LRCH2: variants seen among roughly 807,000 people sequenced by gnomAD.
LRCH2 encodes the protein leucine-rich repeat and calponin homology domain-containing protein 2.
In LRCH2, 38 loss-of-function variants were observed where a neutral mutation model predicts 68.9. That is an observed-to-expected ratio of 0.55 (90% confidence interval 0.43 to 0.72). The LOEUF is 0.72. Ranked by LOEUF, LRCH2 falls within the 30% of genes least tolerant of loss-of-function variation. The pLI, the probability that LRCH2 is intolerant of heterozygous loss-of-function variation, is 0.00. For synonymous variants in LRCH2, 191 were observed against 208.1 expected (o/e 0.92, Z 0.71); for missense variants, 528 against 572.9 (o/e 0.92, Z 0.80).
chrX:115,167,191 TAAAAAAAAA>T (rs58298502), intron 6 of LRCH2, among the ~76,000 whole-genome samples: 82 of 8,395 alleles, frequency 9.8e-3, no homozygotes, highest in African/African-American at 0.035. Flanking sequence ...AGTTTCATGC[TAAAAAAAAA>T]AAAAAAAAAA....
intron 14 of LRCH2, among the ~76,000 whole-genome samples, chrX:115,133,564 C>A (rs62601498): frequency 0.11 from 11,758 of 111,774 alleles, 606 homozygotes; most frequent in Non-Finnish European, 0.16. Flanking sequence ...TTTCCAATAG[C>A]ACGTACTCAC....
chrX:115,156,094 G>C (rs1389195457), intron 12 of LRCH2, among the ~76,000 whole-genome samples: 2 of 111,221 alleles, frequency 1.8e-5, no homozygotes, highest in Admixed American at 1.9e-4. Flanking sequence ...GACTGGGCCT[G>C]AACATTCTCA....
At position 115,234,080 on chromosome X, in the gene LRCH2, G is replaced by T; in HGVS notation, c.-39C>A. On this transcript the variant is annotated 5_prime_UTR_variant, in exon 1 of 21. In the 5' UTR this introduces an upstream ATG that the reference lacks. Coordinates refer to ENST00000317135, the MANE Select transcript of LRCH2 (RefSeq NM_020871.4). Reference sequence around the variant, plus strand: ...AGAATAGCCCCCGACAATACTGTCAGCCTGTGCCGCGAGTGTAAGGGGTTC... The same window carrying T: ...AGAATAGCCCCCGACAATACTGTCATCCTGTGCCGCGAGTGTAAGGGGTTC... The T allele has an allele frequency of 8.7e-7, 1 of 1,150,779 alleles. No homozygotes were observed. The highest frequency in any genetic ancestry group is 1.2e-6 in the Non-Finnish European group (1 of 863,470). 94.8% of individuals were successfully genotyped at this position (1,150,779 alleles called of 1,213,427 possible). A position where few individuals can be genotyped will look rare whatever the true frequency, so the allele number is the denominator to read the frequency against.
intron 14 of LRCH2, among the ~76,000 whole-genome samples, chrX:115,143,707 T>A (rs1372824624): frequency 9.0e-6 from 1 of 111,249 alleles, no homozygotes; most frequent in Non-Finnish European, 1.9e-5. Flanking sequence ...AAATCTCGGA[T>A]AAATATGGAT....
chrX:115,219,838 G>T (rs1317444148), intron 1 of LRCH2, among the ~76,000 whole-genome samples: 2 of 111,758 alleles, frequency 1.8e-5, no homozygotes, highest in Non-Finnish European at 3.8e-5. Context: ...ATCTTACCAT[G>T]TATCAAGGAG....
intron 1 of LRCH2, among the ~76,000 whole-genome samples, chrX:115,200,392 C>T (rs2072921842): frequency 9.0e-6 from 1 of 110,764 alleles, no homozygotes; most frequent in South Asian, 3.7e-4. Flanking sequence ...AGTAGCTAGA[C>T]TAACCTAGAA....
In LRCH2 at chrX:115,179,066, A is replaced by G. The variant is rs189576572; in HGVS notation, c.864+361T>C. Among the ~76,000 whole-genome samples the G allele has an allele frequency of 3.3e-4, 37 of 112,189 alleles. No homozygotes were observed. In the East Asian group the frequency reaches 9.0e-3, roughly 27 times the overall value. On this transcript the variant is annotated intron_variant, in intron 5 of 20. Coordinates refer to ENST00000317135, the MANE Select transcript of LRCH2 (RefSeq NM_020871.4). ...CCACTTGTATTTTGTTCTTTCTGTT[A>G]TAATTCCATCTCTCAGTGCCAAGAA... is the stretch of plus-strand genomic sequence containing the variant.
At chrX:115,209,818 A>C in intron 1 of LRCH2, among the ~76,000 whole-genome samples, 1 of 112,030 alleles carries the variant, frequency 8.9e-6, no homozygotes, top group Non-Finnish European at 1.9e-5. Context: ...AGGTGATCTC[A>C]GATGGAGATG....
At chrX:115,209,450 A>G (rs1057295559) in intron 1 of LRCH2, among the ~76,000 whole-genome samples, 6 of 112,350 alleles carry the variant, frequency 5.3e-5, no homozygotes, top group Admixed American at 9.4e-5. Context: ...CTTGTCTGCC[A>G]CTATGTGAGA....
intron 5 of LRCH2, among the ~76,000 whole-genome samples, chrX:115,174,179 A>G (rs1556548886): frequency 1.8e-5 from 2 of 111,670 alleles, no homozygotes; most frequent in Non-Finnish European, 3.8e-5. Flanking sequence ...CAAGCTAATT[A>G]ACATGCCCAT....
At chrX:115,161,415 T>C (rs1477204686) in intron 11 of LRCH2, among the ~76,000 whole-genome samples, 1 of 111,642 alleles carries the variant, frequency 9.0e-6, no homozygotes, top group Non-Finnish European at 1.9e-5. Flanking sequence ...CTGAAAAAAT[T>C]AGACATACTT....
At chrX:115,192,085 A>T in intron 1 of LRCH2, 1 of 1,166,987 alleles carries the variant, frequency 8.6e-7, no homozygotes, top group Admixed American at 2.6e-5. Context: ...CGATGCCCAC[A>T]GCGGGGACCA....
chrX:115,127,025 C>T lies in LRCH2; in HGVS notation c.1741-132G>A, dbSNP rs186918707. The T allele has an allele frequency of 7.4e-4, 283 of 382,281 alleles. 3 individuals are homozygous for T. The East Asian group carries it at 0.013, about 18-fold the overall frequency. 31.5% of individuals were successfully genotyped at this position (382,281 alleles called of 1,213,427 possible). A position where few individuals can be genotyped will look rare whatever the true frequency, so the allele number is the denominator to read the frequency against. On this transcript the variant is annotated intron_variant, in intron 15 of 20. Coordinates refer to ENST00000317135, the MANE Select transcript of LRCH2 (RefSeq NM_020871.4). ...CCTACTAAAGATATGCCATCCAGCACATTGCCACTCTACATGTGGTCTGTA... is the reference window on the plus strand; with the variant it reads ...CCTACTAAAGATATGCCATCCAGCATATTGCCACTCTACATGTGGTCTGTA...
At chrX:115,146,906 TAC>T (rs57837250) in intron 14 of LRCH2, among the ~76,000 whole-genome samples, 12,336 of 67,153 alleles carry the variant, frequency 0.18, 764 homozygotes, top group Non-Finnish European at 0.22. Context: ...CTTACATACA[TAC>T]ACACACACAC....
chrX:115,227,818 C>T (rs1191763780), intron 1 of LRCH2, among the ~76,000 whole-genome samples: 5 of 110,076 alleles, frequency 4.5e-5, no homozygotes, highest in African/African-American at 1.7e-4. Flanking sequence ...TATCTTATAC[C>T]TGTCTCTTGT....
Position 115,233,822 on chromosome X carries a change from G to T in LRCH2, c.220C>A (p.Gln74Lys), listed in dbSNP as rs781804973. ...PPWNPGSLQP[Q>K]HTVRSLDRAL... The stretch of plus-strand genomic sequence containing the variant: ...CGGTCCAGGCTCCTCACGGTGTGCT[G>T]AGGCTGCAGGCTCCCCGGGTTCCAC... Residue 74 changes from glutamine (Q) to lysine (K), a missense_variant, in exon 1 of 21, where the codon CAG (glutamine) becomes AAG (lysine). Transcript: ENST00000317135. The T allele has an allele frequency of 1.6e-4, 181 of 1,167,049 alleles. No homozygotes were observed. Among genetic ancestry groups the T allele is most frequent in the Non-Finnish European group, 3.2e-5 (28 of 873,455 alleles).
chrX:115,210,960 C>T (rs1051979617), intron 1 of LRCH2, among the ~76,000 whole-genome samples: 22 of 112,003 alleles, frequency 2.0e-4, no homozygotes, highest in African/African-American at 6.5e-4. Flanking sequence ...TGTATTTACC[C>T]GATGCCTGTA....
chrX:115,224,088 T>C (rs782760013), intron 1 of LRCH2, among the ~76,000 whole-genome samples: 4 of 111,569 alleles, frequency 3.6e-5, no homozygotes, highest in African/African-American at 1.3e-4. Flanking sequence ...TTTGAAAACA[T>C]AGTAAGTTAA....
intron 5 of LRCH2, among the ~76,000 whole-genome samples, chrX:115,173,045 T>C (rs919272161): frequency 2.7e-5 from 3 of 111,794 alleles, no homozygotes; most frequent in African/African-American, 9.8e-5. Flanking sequence ...CATTCCAACA[T>C]CTGCCAGTTT....
Sources: gnomAD v4.1 joint callset for allele counts (sites outside exome capture counted in the v4.1 genomes callset) on GRCh38, gnomAD v4.1.1 for gene constraint, MANE v1.5 for transcripts, NCBI Gene and HGNC (gene_info 2026-07-23, HGNC 2026-07-21) for gene names.